Variants in RUFY2 observed in about 807,000 individuals in gnomAD.
RUFY2 encodes the protein RUN and FYVE domain containing 2.
In RUFY2, 49 loss-of-function variants were observed where a neutral mutation model predicts 94.4. The ratio of observed to expected loss-of-function variants is 0.52; its 90% confidence interval spans 0.41 to 0.66. RUFY2 has a LOEUF of 0.66. RUFY2 is among the 30% of genes least tolerant of loss of function. The probability of loss-of-function intolerance (pLI) is 0.00; values close to 1 mark genes in which losing one functional copy is unlikely to be tolerated. For missense variants in RUFY2, 541 were observed against 692.8 expected, an observed-to-expected ratio of 0.78 and a Z score of 2.46; for synonymous variants, 255 against 235.7, an observed-to-expected ratio of 1.08 and a Z score of -0.75.
chr10:68,378,335 T>A, intron 12 of RUFY2: 2 of 1,208,236 alleles, frequency 1.7e-6, no homozygotes, highest in Non-Finnish European at 2.1e-6. Flanking sequence ...AAAGGGTCAA[T>A]ACTCAAATCA....
At chr10:68,377,804 G>A in intron 12 of RUFY2, 2 of 985,182 alleles carry the variant, frequency 2.0e-6, no homozygotes, top group South Asian at 4.7e-5. Context: ...CTCCTTGCAG[G>A]AAATCACAAG....
intron 13 of RUFY2, among the ~76,000 whole-genome samples, chr10:68,373,693 G>A (rs1169062745): frequency 6.6e-6 from 1 of 152,180 alleles, no homozygotes. Flanking sequence ...GATCTCTTGA[G>A]CCTAGGAATT....
intron 3 of RUFY2, among the ~76,000 whole-genome samples, 168 bp downstream of exon 3, chr10:68,401,452 A>T (rs2050843174): frequency 1.3e-5 from 2 of 152,220 alleles, no homozygotes; most frequent in Admixed American, 6.5e-5. Context: ...CATAAAGGAA[A>T]TGGGATTTGA....
At chr10:68,341,722 G>A (rs373884393), downstream of RUFY2, 23 of 1,580,612 alleles carry the variant, frequency 1.5e-5, no homozygotes, top group Non-Finnish European at 1.8e-5. Context: ...GCTGCTTATC[G>A]ATGAGTCTCA....
chr10:68,400,206 C>T (rs1334545242), intron 3 of RUFY2, among the ~76,000 whole-genome samples: 2 of 151,896 alleles, frequency 1.3e-5, no homozygotes, highest in Non-Finnish European at 1.5e-5. Flanking sequence ...ATCCCAGCTA[C>T]TTGGGAGGCT....
At chr10:68,378,870 G>A (rs574111929) in intron 12 of RUFY2, among the ~76,000 whole-genome samples, 4 of 152,204 alleles carry the variant, frequency 2.6e-5, no homozygotes, top group South Asian at 4.2e-4. Flanking sequence ...GACATATGTT[G>A]ACACCAACAT....
At chr10:68,368,683 C>T (rs2048038545) in intron 13 of RUFY2, among the ~76,000 whole-genome samples, 1 of 151,986 alleles carries the variant, frequency 6.6e-6, no homozygotes, top group African/African-American at 2.4e-5. Context: ...CAAGAGAAGA[C>T]TCCAGAAAGT....
intron 3 of RUFY2, 58 bp from the exon 4 acceptor site, chr10:68,396,939 G>T: frequency 9.3e-7 from 1 of 1,070,968 alleles, no homozygotes; most frequent in Non-Finnish European, 1.4e-6. Context: ...CACATCTTCT[G>T]TCTCTAGAGG....
At chr10:68,396,024 G>T (rs1024652390) in intron 4 of RUFY2, among the ~76,000 whole-genome samples, 3 of 152,088 alleles carry the variant, frequency 2.0e-5, no homozygotes, top group African/African-American at 7.2e-5. Context: ...TTGAGACAGG[G>T]TCTCACTCTT....
At chr10:68,384,177 A>C in intron 8 of RUFY2, 25 bp from the exon 9 acceptor site, 2 of 1,595,144 alleles carry the variant, frequency 1.3e-6, no homozygotes, top group Non-Finnish European at 1.7e-6. Flanking sequence ...ACGGGCAAGA[A>C]AAAAGATTTT....
At chr10:68,392,863 G>A (rs1268836251) in intron 7 of RUFY2, among the ~76,000 whole-genome samples, 1 of 150,606 alleles carries the variant, frequency 6.6e-6, no homozygotes, top group Non-Finnish European at 1.5e-5. Flanking sequence ...GGGAGGCGGA[G>A]GTTGCAGTGA....
intron 13 of RUFY2, among the ~76,000 whole-genome samples, chr10:68,374,794 C>A (rs560018867): frequency 1.4e-3 from 217 of 151,544 alleles, no homozygotes; most frequent in African/African-American, 4.9e-3. Flanking sequence ...TTGTTGTTTT[C>A]TTTTAATAAC....
In RUFY2 at chr10:68,393,116, G is replaced by C. The variant is rs369557036; in HGVS notation, c.650+22C>G. ...AACCTAAGACAATATTCATAAATGT[G>C]CTAAGTATCCATAATACTTACTTCA... On this transcript the variant is annotated intron_variant, in intron 7 of 17. Transcript: ENST00000602465. 126 of 1,286,818 alleles carry C rather than the reference G, an allele frequency of 9.8e-5. 1 individual carries two copies. Among genetic ancestry groups the C allele is most frequent in the Non-Finnish European group, 1.3e-4 (119 of 907,748 alleles). 79.7% of individuals were successfully genotyped at this position (1,286,818 alleles called of 1,614,324 possible).
At chr10:68,366,577 T>C (rs1054171869) in intron 13 of RUFY2, among the ~76,000 whole-genome samples, 1 of 144,824 alleles carries the variant, frequency 6.9e-6, no homozygotes, top group Non-Finnish European at 1.5e-5. Context: ...ACCCTGTCTC[T>C]ACTAAAAATA....
At chr10:68,348,708 T>C (rs1738332513) in intron 16 of RUFY2, among the ~76,000 whole-genome samples, 1 of 152,134 alleles carries the variant, frequency 6.6e-6, no homozygotes, top group Non-Finnish European at 1.5e-5. Context: ...TTCTTTTCAT[T>C]GAAACTACCT....
At chr10:68,384,220 G>A (rs2049308460) in intron 8 of RUFY2, 68 bp from the exon 9 acceptor site, 2 of 1,497,302 alleles carry the variant, frequency 1.3e-6, no homozygotes, top group Admixed American at 2.5e-5. Context: ...CAGGTTATGT[G>A]CATGGCCATA....
Position 68,407,210 on chromosome 10 carries a change from C to T in RUFY2, c.-21G>A, listed in dbSNP as rs1159299870. On this transcript the variant is annotated 5_prime_UTR_variant, in exon 1 of 18. Transcript: ENST00000602465. ...CCCATGGCGGCGGCGGCTGCGCGGT[C>T]TCGGGCGGAGGCTCCCTCGGCCTGT... 3.6e-6 allele frequency: 5 copies of T among 1,404,868 alleles called. No homozygotes were observed. The highest frequency in any genetic ancestry group is 3.7e-6 in the Non-Finnish European group (4 of 1,091,858). 87.0% of individuals were successfully genotyped at this position (1,404,868 alleles called of 1,614,324 possible).
intron 1 of RUFY2, chr10:68,406,784 T>C (rs750487394): frequency 6.2e-7 from 1 of 1,611,854 alleles, no homozygotes; most frequent in Non-Finnish European, 8.5e-7. Context: ...ATTCCCCGTC[T>C]CCCGCCCTCG....
At chr10:68,377,224 C>A in intron 12 of RUFY2, 1 of 1,318,104 alleles carries the variant, frequency 7.6e-7, no homozygotes, top group Non-Finnish European at 9.7e-7. Flanking sequence ...ATTTCTTGTT[C>A]ATAATTAACA....
Sources: gnomAD v4.1 joint callset for allele counts (sites outside exome capture counted in the v4.1 genomes callset) on GRCh38, gnomAD v4.1.1 for gene constraint, MANE v1.5 for transcripts, NCBI Gene and HGNC (gene_info 2026-07-23, HGNC 2026-07-21) for gene names.